Variants in NUP205 observed in about 807,000 individuals in gnomAD.
The protein encoded by NUP205 is nuclear pore complex protein Nup205.
A neutral mutation model predicts 253.8 loss-of-function variants in NUP205; 76 were observed. The observed-to-expected ratio is 0.30, with a 90% CI of 0.25 to 0.36. NUP205 has a LOEUF of 0.36. Ranked by LOEUF, NUP205 falls within the 10% of genes least tolerant of loss-of-function variation. NUP205 has a pLI of 1.00. For synonymous variants in NUP205, 832 were observed against 850.1 expected, an observed-to-expected ratio of 0.98 and a Z score of 0.37; for missense variants, 2,162 against 2,425.5, an observed-to-expected ratio of 0.89 and a Z score of 2.28.
At position 135,577,113 on chromosome 7, in the gene NUP205, A is replaced by G. The variant is rs142386244; in HGVS notation, c.633A>G (p.Glu211=). ...AGCGAGAGAGAGGTTTGGGCAGTGA[A>G]AAACATCGCAAAGAGGCAAGGGTTC... is the stretch of plus-strand genomic sequence containing the variant. ...KLQRERGLGS[E]KHRKEVSDLI... Residue 211 remains glutamate, a synonymous_variant, in exon 5 of 43, where the codon GAA becomes GAG. Transcript: ENST00000285968. The G allele has an allele frequency of 6.2e-6, 10 of 1,610,972 alleles. No individual in the cohort carries two copies. The African/African-American group carries it at 1.2e-4, about 19-fold the overall frequency.
rs1305534469 is a variant in NUP205 at position 135,614,078 on chromosome 7, G to A, written c.3196-81G>A. ...TGGGTCCTAGTTTTTCACTTAGTAGGTCTAAGTTCATATTTTGTTACCATA... is the reference window on the plus strand; with the variant it reads ...TGGGTCCTAGTTTTTCACTTAGTAGATCTAAGTTCATATTTTGTTACCATA... On this transcript the variant is annotated intron_variant, in intron 22 of 42. Coordinates refer to ENST00000285968, the MANE Select transcript of NUP205 (RefSeq NM_015135.3). The A allele has an allele frequency of 6.6e-6, 5 of 755,784 alleles. No homozygotes were observed. The African/African-American group carries it at 7.1e-5, about 11-fold the overall frequency. The allele number at this position is 755,784 out of a possible 1,614,324, so 46.8% of individuals were successfully genotyped here.
Position 135,630,246 on chromosome 7 carries a change from A to G in NUP205, c.4933-98A>G, listed in dbSNP as rs1377987331. ...GAGTATTATGGTAAAGTTGAAGGTT[A>G]CTTCCTTCAACATTATTTATAAAAT... On this transcript the variant is annotated intron_variant, in intron 34 of 42. Transcript: ENST00000285968. 4.8e-6 allele frequency: 4 copies of G among 829,574 alleles called. No homozygotes were observed. The East Asian group carries it at 1.1e-4, about 23-fold the overall frequency. The allele number at this position is 829,574 out of a possible 1,614,324, so 51.4% of individuals were successfully genotyped here.
At chr7:135,628,247 GA>G in intron 34 of NUP205, 136 bp downstream of exon 34, 1 of 697,630 alleles carries the variant, frequency 1.4e-6, no homozygotes, top group Non-Finnish European at 2.2e-6. Flanking sequence ...GTAGAGAAAA[GA>G]GGCCCCTGTA....
chr7:135,586,998 A>C (rs1212898052), intron 8 of NUP205, among the ~76,000 whole-genome samples: 1 of 151,244 alleles, frequency 6.6e-6, no homozygotes, highest in Non-Finnish European at 1.5e-5. Flanking sequence ...TGTTCCATTG[A>C]ATATTGAGAG....
At chr7:135,616,619 T>A in intron 24 of NUP205, 36 bp from the exon 25 acceptor site, 1 of 1,257,752 alleles carries the variant, frequency 8.0e-7, no homozygotes, top group Non-Finnish European at 1.1e-6. Flanking sequence ...AGTATGTTCT[T>A]CTTTTTCTGA....
At chr7:135,573,309 C>A (rs989568802) in intron 2 of NUP205, among the ~76,000 whole-genome samples, 4 of 152,014 alleles carry the variant, frequency 2.6e-5, no homozygotes, top group Admixed American at 2.6e-4. Flanking sequence ...GTTCATATAT[C>A]CATTTGTTAT....
chr7:135,558,484 A>G (rs1805494799), intron 1 of NUP205, among the ~76,000 whole-genome samples: 1 of 152,206 alleles, frequency 6.6e-6, no homozygotes, highest in African/African-American at 2.4e-5. Flanking sequence ...GGGCTTCAGC[A>G]GACGTCTTCT....
At position 135,558,530 on chromosome 7, in the gene NUP205, G is replaced by T. The variant is rs562137222; in HGVS notation, c.28+558G>T. On this transcript the variant is annotated intron_variant, in intron 1 of 42. Coordinates refer to ENST00000285968, the MANE Select transcript of NUP205 (RefSeq NM_015135.3). ...ATGTGGTTAGGCCCTGGATGTTCTT[G>T]TACCTTTGGAGCTGTAGATTTTCGG... Among the ~76,000 whole-genome samples the T allele has an allele frequency of 3.7e-4, 56 of 152,274 alleles. 1 individual carries two copies. The South Asian group carries it at 0.011, about 30-fold the overall frequency.
intron 38 of NUP205, among the ~76,000 whole-genome samples, chr7:135,638,950 T>C (rs1156247311): frequency 6.6e-6 from 1 of 152,158 alleles, no homozygotes; most frequent in Non-Finnish European, 1.5e-5. Flanking sequence ...AGGATCTAAA[T>C]TGGGGAGTCA....
At chr7:135,631,200 TA>T (rs549369456) in intron 35 of NUP205, among the ~76,000 whole-genome samples, 129 of 152,334 alleles carry the variant, frequency 8.5e-4, no homozygotes, top group African/African-American at 3.0e-3. Flanking sequence ...TGAATTTATT[TA>T]TTTTTTTATT....
At chr7:135,604,248 G>A (rs568551537) in intron 18 of NUP205, 92 bp from the exon 19 acceptor site, 3 of 1,079,570 alleles carry the variant, frequency 2.8e-6, no homozygotes, top group African/African-American at 1.6e-5. Context: ...TGTATGGGCA[G>A]GGGAAGCCCT....
intron 11 of NUP205, among the ~76,000 whole-genome samples, chr7:135,591,892 G>A (rs1584657649): frequency 6.6e-6 from 1 of 152,082 alleles, no homozygotes; most frequent in South Asian, 2.1e-4. Context: ...CACAAAAAAA[G>A]CATATGCCCT....
At chr7:135,605,063 T>C (rs1221919375) in intron 19 of NUP205, among the ~76,000 whole-genome samples, 2 of 152,214 alleles carry the variant, frequency 1.3e-5, no homozygotes, top group Non-Finnish European at 2.9e-5. Context: ...AATTTTTTTT[T>C]TTCTTCTTTT....
intron 6 of NUP205, 112 bp from the exon 7 acceptor site, chr7:135,578,634 GGTCAT>G (rs1302061681): frequency 1.5e-6 from 1 of 651,822 alleles, no homozygotes; most frequent in Non-Finnish European, 2.6e-6. Context: ...AATGTTAATT[GGTCAT>G]TATTCTTCTG....
At chr7:135,567,126 GTGTATATATATATATA>G (rs1399721065) in intron 1 of NUP205, among the ~76,000 whole-genome samples, 1 of 5,364 alleles carries the variant, frequency 1.9e-4, no homozygotes, top group African/African-American at 3.7e-4. Flanking sequence ...CAGTCTATGT[GTGTATATATATATATA>G]TATATATATA....
chr7:135,600,107 C>T (rs1024042095), intron 15 of NUP205, among the ~76,000 whole-genome samples: 4 of 152,048 alleles, frequency 2.6e-5, no homozygotes, highest in Non-Finnish European at 4.4e-5. Context: ...TTCATAAAAC[C>T]ACCCTGTCTG....
At chr7:135,620,132 A>G (rs886165151) in intron 30 of NUP205, among the ~76,000 whole-genome samples, 4 of 152,234 alleles carry the variant, frequency 2.6e-5, no homozygotes, top group African/African-American at 4.8e-5. Context: ...ATACTTCTGT[A>G]ACTCCCTCAC....
In NUP205 at chr7:135,584,876, G is replaced by A. The variant is rs1472667856; in HGVS notation, c.1087G>A (p.Ala363Thr). Reference protein sequence around the residue: ...TEADEAMAELAIADNVFLFLM... With the variant: ...TEADEAMAELTIADNVFLFLM... ...GGCAGATGAAGCAATGGCAGAACTC[G>A]CAATTGCTGACAACGTTTTCCTGTT... The change falls in exon 8 of 43, where the codon GCA becomes ACA. Residue 363 changes from alanine (A) to threonine (T), a missense_variant. Physicochemically the swap from Ala to Thr is moderately conservative, Grantham distance 58. This residue lies in a region of NUP205 where 892 missense variants were observed against 957.1 expected (regional missense o/e 0.93). Transcript: ENST00000285968. 5 of 1,614,044 alleles carry A rather than the reference G, an allele frequency of 3.1e-6. No individual in the cohort carries two copies. The highest frequency in any genetic ancestry group is 1.1e-5 in the South Asian group (1 of 91,076).
In NUP205 at chr7:135,644,989, A is replaced by G. The variant is rs530658040; in HGVS notation, c.5654A>G (p.Asn1885Ser). 4.3e-5 allele frequency: 70 copies of G among 1,614,166 alleles called. No individual in the cohort carries two copies. Among genetic ancestry groups the G allele is most frequent in the East Asian group, 1.1e-4 (5 of 44,880 alleles). ...CGGCGCTTGGTGAAGGTGATCAACA[A>G]TCGAGCTAAACTGCTTTCCCTTTGT... ...ARRRLVKVIN[N>S]RAKLLSLCSF... Residue 1885 changes from asparagine to serine, a missense_variant, in exon 40 of 43, where the codon AAT becomes AGT. Physicochemically the swap from Asn to Ser is conservative, Grantham distance 46. This residue lies in a region of NUP205 where 1,144 missense variants were observed against 1,280.9 expected (regional missense o/e 0.89). Coordinates refer to ENST00000285968, the MANE Select transcript of NUP205 (RefSeq NM_015135.3).
Sources: allele counts gnomAD v4.1 joint callset (sites outside exome capture counted in the v4.1 genomes callset), GRCh38; gene constraint gnomAD v4.1.1; regional missense constraint gnomAD v4.1.1; transcripts MANE v1.5; gene names NCBI Gene and HGNC (gene_info 2026-07-23, HGNC 2026-07-21).